Variants in PCDH11X observed in about 807,000 individuals in gnomAD.
The protein encoded by PCDH11X is protocadherin 11 X-linked.
A neutral mutation model predicts 53.3 loss-of-function variants in PCDH11X; 18 were observed. That is an observed-to-expected ratio of 0.34 (90% confidence interval 0.23 to 0.50). PCDH11X has a LOEUF of 0.50. Among genes scored for constraint, PCDH11X ranks in the 20% least tolerant of loss-of-function variants. The probability of loss-of-function intolerance (pLI) is 0.98; values close to 1 mark genes in which losing one functional copy is unlikely to be tolerated. For synonymous variants in PCDH11X, 279 were observed against 393.3 expected, an observed-to-expected ratio of 0.71 and a Z score of 3.44; for missense variants, 570 against 1,032.4, an observed-to-expected ratio of 0.55 and a Z score of 6.14.
chrX:92,599,108 G>T (rs1280544222), intron 10 of PCDH11X, among the ~76,000 whole-genome samples: 3 of 111,600 alleles, frequency 2.7e-5, no homozygotes, highest in Non-Finnish European at 5.6e-5. Context: ...AGAATAAATG[G>T]ATAATGCCTA....
chrX:91,806,414 A>C, intron 1 of PCDH11X, among the ~76,000 whole-genome samples: 1 of 113,651 alleles, frequency 8.8e-6, no homozygotes, highest in Non-Finnish European at 1.9e-5. Flanking sequence ...TATTCTTCAC[A>C]GTACACCTGT....
At chrX:91,949,005 C>G (rs1334898345) in intron 6 of PCDH11X, among the ~76,000 whole-genome samples, 1 of 110,406 alleles carries the variant, frequency 9.1e-6, no homozygotes, top group Non-Finnish European at 1.9e-5. Context: ...GATCAGGTCT[C>G]GTCGAGCAGA....
intron 10 of PCDH11X, among the ~76,000 whole-genome samples, chrX:92,550,873 A>G (rs1462806345): frequency 2.8e-5 from 3 of 108,349 alleles, no homozygotes; most frequent in Non-Finnish European, 5.8e-5. Context: ...TTCACTTAAC[A>G]TAATGATCTC....
intron 8 of PCDH11X, among the ~76,000 whole-genome samples, chrX:92,309,866 A>G (rs1413127144): frequency 2.7e-5 from 3 of 111,457 alleles, no homozygotes; most frequent in Non-Finnish European, 1.9e-5. Flanking sequence ...TATAGCAGTA[A>G]TTTTCTATTT....
At chrX:92,464,807 G>T (rs963928163) in intron 9 of PCDH11X, among the ~76,000 whole-genome samples, 8 of 107,752 alleles carry the variant, frequency 7.4e-5, no homozygotes, top group African/African-American at 2.7e-4. Context: ...TGCATATTTT[G>T]TAGAATTTTT....
intron 6 of PCDH11X, among the ~76,000 whole-genome samples, chrX:92,050,968 G>A (rs2261935): frequency 4.3e-4 from 48 of 111,390 alleles, no homozygotes; most frequent in African/African-American, 1.6e-3. Flanking sequence ...ACTTCAATAA[G>A]TGATATTCTT....
At chrX:92,340,968 C>T (rs2069743554) in intron 8 of PCDH11X, among the ~76,000 whole-genome samples, 1 of 111,807 alleles carries the variant, frequency 8.9e-6, no homozygotes, top group Non-Finnish European at 1.9e-5. Context: ...TTTATTCACT[C>T]CCACATCTGA....
intron 6 of PCDH11X, among the ~76,000 whole-genome samples, chrX:91,961,630 G>A (rs1434727060): frequency 1.8e-5 from 2 of 108,617 alleles, no homozygotes; most frequent in African/African-American, 6.8e-5. Flanking sequence ...AATCAACAGG[G>A]AAAGATCAGA....
intron 6 of PCDH11X, among the ~76,000 whole-genome samples, chrX:92,112,873 A>G (rs28391015): frequency 0.026 from 2,863 of 109,007 alleles, 271 homozygotes; most frequent in African/African-American, 0.094. Flanking sequence ...AGTGATTTAT[A>G]TTTTCTATTT....
intron 6 of PCDH11X, chrX:92,114,155 C>G (rs1024716697): frequency 8.5e-7 from 1 of 1,178,385 alleles, no homozygotes; most frequent in African/African-American, 1.8e-5. Flanking sequence ...AGGACCAAGG[C>G]CTGGGTGGCT....
At chrX:92,269,021 T>A (rs1258117296) in intron 8 of PCDH11X, among the ~76,000 whole-genome samples, 2 of 112,424 alleles carry the variant, frequency 1.8e-5, no homozygotes, top group African/African-American at 6.5e-5. Context: ...CCCTGGATCT[T>A]ATATTCATAT....
chrX:92,092,779 G>A (rs183182408), intron 6 of PCDH11X, among the ~76,000 whole-genome samples: 126 of 111,495 alleles, frequency 1.1e-3, no homozygotes, highest in African/African-American at 3.8e-3. Flanking sequence ...GTGATTTCAG[G>A]GTTCCAGGAT....
intron 6 of PCDH11X, among the ~76,000 whole-genome samples, chrX:91,954,400 A>C (rs1473916091): frequency 9.0e-6 from 1 of 111,410 alleles, no homozygotes; most frequent in Non-Finnish European, 1.9e-5. Context: ...TGGTATTGTG[A>C]ATAGTGCTGC....
intron 6 of PCDH11X, among the ~76,000 whole-genome samples, chrX:91,981,421 G>T (rs2062136108): frequency 9.1e-6 from 1 of 110,123 alleles, no homozygotes; most frequent in African/African-American, 3.3e-5. Context: ...AAGTGCTCTG[G>T]AAGTCTACAA....
chrX:92,547,733 T>A (rs2074881570), intron 10 of PCDH11X, among the ~76,000 whole-genome samples: 1 of 110,158 alleles, frequency 9.1e-6, no homozygotes, highest in African/African-American at 3.3e-5. Context: ...TTTATTTTTT[T>A]ATTTTTTTAT....
intron 10 of PCDH11X, among the ~76,000 whole-genome samples, chrX:92,481,986 C>T (rs763583227): frequency 1.0e-5 from 1 of 99,691 alleles, no homozygotes; most frequent in African/African-American, 3.7e-5. Context: ...CCAGCTTCCT[C>T]CCTCTTCAGC....
At chrX:91,815,460 A>G (rs1327879861) in intron 4 of PCDH11X, among the ~76,000 whole-genome samples, 1 of 111,781 alleles carries the variant, frequency 8.9e-6, no homozygotes, top group Non-Finnish European at 1.9e-5. Context: ...CTTTCAGTTC[A>G]TTCTATGTAT....
chrX:92,313,661 T>C lies in PCDH11X; in HGVS notation c.3144+50518T>C, dbSNP rs192007125. On this transcript the variant is annotated intron_variant, in intron 8 of 10. Transcript: ENST00000682573. ...TGATTTCCTTGTTATGAGAACATCA[T>C]AGAATGTCCTTACACAAATCTGGAA... Among the ~76,000 whole-genome samples the C allele has an allele frequency of 5.5e-3, 598 of 109,534 alleles. 6 individuals are homozygous for C. The highest frequency in any genetic ancestry group is 0.019 in the African/African-American group (565 of 30,149).
At chrX:91,840,197 T>TGTTACA (rs1437000540) in intron 5 of PCDH11X, among the ~76,000 whole-genome samples, 2 of 111,681 alleles carry the variant, frequency 1.8e-5, no homozygotes, top group Non-Finnish European at 3.8e-5. Context: ...TATATAATGA[T>TGTTACA]GTTACAGTTA....
Sources: gnomAD v4.1 joint callset for allele counts (sites outside exome capture counted in the v4.1 genomes callset) on GRCh38, gnomAD v4.1.1 for gene constraint, MANE v1.5 for transcripts, NCBI Gene and HGNC (gene_info 2026-07-23, HGNC 2026-07-21) for gene names.